Variants in PCDHA4 observed in about 807,000 individuals in gnomAD.
PCDHA4 encodes protocadherin alpha-4.
In PCDHA4, 49 loss-of-function variants were observed where a neutral mutation model predicts 61.4. The observed-to-expected ratio is 0.80, with a 90% CI of 0.63 to 1.01. PCDHA4 has a LOEUF of 1.01. Ranked by LOEUF, PCDHA4 falls within the 50% of genes least tolerant of loss-of-function variation. PCDHA4 has a pLI of 0.00. For missense variants in PCDHA4, 1,254 were observed against 1,235.8 expected, an observed-to-expected ratio of 1.01 and a Z score of -0.22; for synonymous variants, 590 against 550.3, an observed-to-expected ratio of 1.07 and a Z score of -1.01.
chr5:140,836,754 T>C lies in PCDHA4; in HGVS notation c.2385+27182T>C, dbSNP rs2150269259. 5 of 1,577,604 alleles carry C rather than the reference T, an allele frequency of 3.2e-6. 1 individual carries two copies. In the African/African-American group the frequency reaches 6.8e-5, roughly 22 times the overall value. On this transcript the variant is annotated intron_variant, in intron 1 of 3. Coordinates refer to ENST00000530339, the MANE Select transcript of PCDHA4 (RefSeq NM_018907.4). ...TACAGACAATGTGAGTCATAAATAA[T>C]CTTGTTTCCAACAATTTTAAAACAA...
chr5:140,920,780 G>A lies in PCDHA4; in HGVS notation c.2386-58169G>A, dbSNP rs187594262. Among the ~76,000 whole-genome samples the A allele has an allele frequency of 7.9e-3, 1,202 of 151,454 alleles. 5 individuals carry two copies. Among genetic ancestry groups the A allele is most frequent in the African/African-American group, 0.019 (781 of 41,244 alleles). ...AATTGCTTACACCTGGGAGGTGGAG[G>A]TTGCAGGGAACCAAGATCACGCCAC... On this transcript the variant is annotated intron_variant, in intron 1 of 3. Transcript: ENST00000530339.
intron 1 of PCDHA4, among the ~76,000 whole-genome samples, chr5:140,948,600 A>G (rs1369107358): frequency 6.6e-6 from 1 of 151,576 alleles, no homozygotes; most frequent in African/African-American, 2.4e-5. Flanking sequence ...TCAATTTATC[A>G]TATTTTTGGC....
intron 1 of PCDHA4, among the ~76,000 whole-genome samples, chr5:140,819,469 A>G (rs1456251463): frequency 6.6e-6 from 1 of 152,158 alleles, no homozygotes; most frequent in African/African-American, 2.4e-5. Flanking sequence ...ACTTCTGTTT[A>G]CACAATGATG....
Position 140,849,547 on chromosome 5 carries a change from C to G in PCDHA4, c.2385+39975C>G, listed in dbSNP as rs2150440099. On this transcript the variant is annotated intron_variant, in intron 1 of 3. Transcript: ENST00000530339. ...GTAAATGACAATGCTCCACAGTTGA[C>G]TATCAAAACGCTCTCGGTTCCTGTA... 5.0e-6 allele frequency: 8 copies of G among 1,598,384 alleles called. No individual in the cohort carries two copies. The South Asian group carries it at 8.8e-5, about 18-fold the overall frequency.
intron 1 of PCDHA4, chr5:140,884,559 C>A (rs782174598): frequency 6.2e-7 from 1 of 1,614,094 alleles, no homozygotes; most frequent in South Asian, 1.1e-5. Flanking sequence ...GGGGAGGGCC[C>A]GCATAAGACG....
chr5:140,920,277 T>C (rs1275415444), intron 1 of PCDHA4, among the ~76,000 whole-genome samples: 1 of 152,230 alleles, frequency 6.6e-6, no homozygotes, highest in African/African-American at 2.4e-5. Context: ...TTATGTAATC[T>C]TATATTTTTT....
At chr5:140,851,106 C>G in intron 1 of PCDHA4, 1 of 1,294,794 alleles carries the variant, frequency 7.7e-7, no homozygotes, top group South Asian at 2.7e-5. Context: ...TTTTTGGGTG[C>G]TGAATCAATT....
chr5:140,947,585 G>C (rs773594834), intron 1 of PCDHA4, among the ~76,000 whole-genome samples: 5 of 151,544 alleles, frequency 3.3e-5, no homozygotes, highest in Non-Finnish European at 3.0e-5. Context: ...TTAACATTTA[G>C]ATCAATTTAG....
At chr5:140,993,462 T>TCACACACACACACACACA (rs3836747) in intron 3 of PCDHA4, among the ~76,000 whole-genome samples, 2 of 140,938 alleles carry the variant, frequency 1.4e-5, no homozygotes, top group African/African-American at 5.3e-5. Flanking sequence ...TCTTTCTTTC[T>TCACACACACACACACACA]CACACACACA....
intron 1 of PCDHA4, chr5:140,858,432 G>A: frequency 6.5e-7 from 1 of 1,546,306 alleles, no homozygotes; most frequent in Admixed American, 1.9e-5. Flanking sequence ...GACCACTCTA[G>A]GAAGGTGGGT....
Position 140,809,367 on chromosome 5 carries a change from C to T in PCDHA4, c.2180C>T (p.Pro727Leu), listed in dbSNP as rs543555386. 6.2e-6 allele frequency: 10 copies of T among 1,613,970 alleles called. No individual in the cohort carries two copies. In the South Asian group the frequency reaches 1.1e-4, roughly 18 times the overall value. Residue 727 changes from proline to leucine, a missense_variant, in exon 1 of 4, where the codon CCC becomes CTC. Transcript: ENST00000530339. The part of the protein sequence containing the change: ...LYTALRCSAL[P>L]TEGACAPGKP... The stretch of plus-strand genomic sequence containing the variant: ...ACCGCGCTGCGGTGCTCTGCGCTGC[C>T]CACCGAGGGCGCGTGCGCTCCGGGC...
Position 140,808,445 on chromosome 5 carries a change from G to T in PCDHA4, c.1258G>T (p.Ala420Ser), listed in dbSNP as rs1219099901. 6.2e-7 allele frequency: 1 copy of T among 1,614,212 alleles called. No individual in the cohort carries two copies. The highest frequency in any genetic ancestry group is 2.2e-5 in the East Asian group (1 of 44,882). The part of the protein sequence containing the change: ...DSALDRESVS[A>S]YELVVTARDG... Reference sequence around the variant, plus strand: ...TGCCCTGGACCGCGAGAGCGTGTCAGCCTATGAGCTGGTGGTGACCGCGCG... The same window carrying T: ...TGCCCTGGACCGCGAGAGCGTGTCATCCTATGAGCTGGTGGTGACCGCGCG... The change falls in exon 1 of 4, where the codon GCC (alanine) becomes TCC (serine). Residue 420 changes from alanine to serine, a missense_variant. By Grantham distance (99) the Ala-to-Ser change is moderately conservative. Coordinates refer to ENST00000530339, the MANE Select transcript of PCDHA4 (RefSeq NM_018907.4).
At position 140,850,808 on chromosome 5, in the gene PCDHA4, C is replaced by T. The variant is rs2150499098; in HGVS notation, c.2385+41236C>T. 20 of 1,598,280 alleles carry T rather than the reference C, an allele frequency of 1.3e-5. No homozygotes were observed. The South Asian group carries it at 2.2e-4, about 18-fold the overall frequency. On this transcript the variant is annotated intron_variant, in intron 1 of 3. Transcript: ENST00000530339. The stretch of plus-strand genomic sequence containing the variant: ...GTAAGCAGAAGACCGACCTCATGGC[C>T]TTCAGCCCGGGCCTTTCTCCTTGTG...
chr5:140,978,887 A>T, intron 1 of PCDHA4, 62 bp from the exon 2 acceptor site: 1 of 1,611,648 alleles, frequency 6.2e-7, no homozygotes, highest in Non-Finnish European at 8.5e-7. Context: ...ATCAATTAGC[A>T]GCATTCCTGG....
intron 1 of PCDHA4, among the ~76,000 whole-genome samples, chr5:140,953,875 C>T (rs1054189459): frequency 4.6e-5 from 7 of 152,088 alleles, no homozygotes; most frequent in Admixed American, 4.6e-4. Context: ...CTGCACAGAT[C>T]AACCCATCAC....
intron 1 of PCDHA4, among the ~76,000 whole-genome samples, chr5:140,888,521 C>A (rs191011552): frequency 1.3e-5 from 2 of 152,142 alleles, no homozygotes; most frequent in African/African-American, 2.4e-5. Context: ...TTAGTTCTGA[C>A]GTGAAGTTAA....
At chr5:140,902,920 C>T (rs1186097921) in intron 1 of PCDHA4, among the ~76,000 whole-genome samples, 1 of 152,304 alleles carries the variant, frequency 6.6e-6, no homozygotes, top group Non-Finnish European at 1.5e-5. Context: ...AGTAGTATTG[C>T]ATGGTGTATA....
chr5:140,905,540 C>T (rs1294771375), intron 1 of PCDHA4, among the ~76,000 whole-genome samples: 5 of 151,890 alleles, frequency 3.3e-5, no homozygotes, highest in African/African-American at 9.7e-5. Flanking sequence ...TCCATATGAA[C>T]TTTAGGATTG....
intron 1 of PCDHA4, chr5:140,871,014 C>T (rs1554164974): frequency 1.2e-6 from 2 of 1,613,178 alleles, no homozygotes; most frequent in Admixed American, 1.7e-5. Flanking sequence ...GTGCCCTGGA[C>T]GAGGCAGACT....
Sources: allele counts gnomAD v4.1 joint callset (sites outside exome capture counted in the v4.1 genomes callset), GRCh38; gene constraint gnomAD v4.1.1; transcripts MANE v1.5; gene names NCBI Gene and HGNC (gene_info 2026-07-23, HGNC 2026-07-21).